The following GNB1 variants were observed in gnomAD, a reference collection of about 807,000 sequenced individuals.
GNB1 encodes the protein guanine nucleotide-binding protein G(I)/G(S)/G(T) subunit beta-1.
Under a neutral mutation model 42.9 loss-of-function variants are expected in GNB1, and 2 were observed. The ratio of observed to expected loss-of-function variants is 0.05; its 90% CI spans 0.02 to 0.15. The LOEUF (loss-of-function observed/expected upper bound fraction) is 0.15, where lower values mean the gene tolerates loss of function less well. GNB1 is among the 10% of genes least tolerant of loss of function. The pLI is 1.00. For missense variants in GNB1, 193 were observed against 462.2 expected (o/e 0.42, Z 5.34); for synonymous variants, 183 against 174.7 (o/e 1.05, Z -0.38).
At chr1:1,788,756 G>A (rs759059629) in intron 10 of GNB1, 1 of 341,598 alleles carries the variant, frequency 2.9e-6, no homozygotes, top group Non-Finnish European at 5.6e-6. Context: ...CTGAAGCAGA[G>A]TTCAGAGGGG....
chr1:1,881,409 G>C (rs544708484), intron 1 of GNB1, among the ~76,000 whole-genome samples: 1 of 144,116 alleles, frequency 6.9e-6, no homozygotes, highest in Non-Finnish European at 1.5e-5. Context: ...GAGCTCTCGA[G>C]GTAAAAGTTC....
At chr1:1,883,581 G>C (rs2101908091) in intron 1 of GNB1, among the ~76,000 whole-genome samples, 1 of 152,240 alleles carries the variant, frequency 6.6e-6, no homozygotes, top group East Asian at 1.9e-4. Context: ...GCCCACATCA[G>C]GACTCATTTA....
intron 1 of GNB1, among the ~76,000 whole-genome samples, chr1:1,863,591 G>A (rs1422349283): frequency 2.6e-5 from 4 of 152,124 alleles, no homozygotes; most frequent in Non-Finnish European, 5.9e-5. Flanking sequence ...TCTACATGCT[G>A]CTACTCTGTT....
intron 1 of GNB1, among the ~76,000 whole-genome samples, chr1:1,852,591 A>C (rs916578202): frequency 1.3e-5 from 2 of 151,844 alleles, no homozygotes; most frequent in Admixed American, 6.6e-5. Flanking sequence ...GCTACTCCAG[A>C]GGCTAAGACA....
chr1:1,877,507 A>T (rs1014059017), intron 1 of GNB1, among the ~76,000 whole-genome samples: 3 of 151,644 alleles, frequency 2.0e-5, no homozygotes, highest in African/African-American at 7.3e-5. Flanking sequence ...AATTTTATTT[A>T]TTTTTTTAAA....
intron 1 of GNB1, among the ~76,000 whole-genome samples, chr1:1,890,186 G>C (rs6603805): frequency 7.2e-5 from 11 of 152,006 alleles, no homozygotes; most frequent in Non-Finnish European, 5.9e-5. Context: ...CAGCGCGACT[G>C]CCTCAGCGGC....
chr1:1,793,328 C>T lies in GNB1; in HGVS notation c.431-17G>A, dbSNP rs1646505468. On this transcript the variant is annotated splice_polypyrimidine_tract_variant and intron_variant, in intron 7 of 11. Coordinates refer to ENST00000378609, the MANE Select transcript of GNB1 (RefSeq NM_002074.5). ...ACAGGTAACCTGGCAAAGAACAGGC[C>T]TAAGTGATGAGCTGAATCCAGCAGG... The T allele has an allele frequency of 1.9e-6, 3 of 1,597,606 alleles. No individual in the cohort carries two copies. Among genetic ancestry groups the T allele is most frequent in the Non-Finnish European group, 2.6e-6 (3 of 1,165,686 alleles).
At chr1:1,847,924 G>A (rs1647760475) in intron 1 of GNB1, among the ~76,000 whole-genome samples, 1 of 152,172 alleles carries the variant, frequency 6.6e-6, no homozygotes, top group Non-Finnish European at 1.5e-5. Flanking sequence ...CGATGAGAAA[G>A]AAGCAGTGCC....
intron 1 of GNB1, among the ~76,000 whole-genome samples, chr1:1,889,540 G>A (rs1310811277): frequency 6.6e-6 from 1 of 151,984 alleles, no homozygotes; most frequent in Non-Finnish European, 1.5e-5. Flanking sequence ...GGCTGGGCAC[G>A]GTGGCTAAGG....
In GNB1 at chr1:1,887,408, C is replaced by T. The variant is rs897662200; in HGVS notation, c.-96+3412G>A. 3.9e-4 allele frequency among the ~76,000 whole-genome samples: 60 copies of T among 152,292 alleles called. 1 individual carries two copies. The highest frequency in any genetic ancestry group is 1.2e-3 in the African/African-American group (49 of 41,576). On this transcript the variant is annotated intron_variant, in intron 1 of 11. Coordinates refer to ENST00000378609, the MANE Select transcript of GNB1 (RefSeq NM_002074.5). ...TTTTAGCTACAAAGCTACAACTTTTCCAGTGGACCAACACACACATAAAAT... is the reference window on the plus strand; with the variant it reads ...TTTTAGCTACAAAGCTACAACTTTTTCAGTGGACCAACACACACATAAAAT...
rs1020487775 is a variant in GNB1 at position 1,799,679 on chromosome 1, C to T, written c.430+4740G>A. ...ACACCTGAAAGCATGAAAACAGGAG[C>T]AGGTAGAAACTGGAGGAGTCTCCCC... On this transcript the variant is annotated intron_variant, in intron 7 of 11. Coordinates refer to ENST00000378609, the MANE Select transcript of GNB1 (RefSeq NM_002074.5). 2.2e-4 allele frequency among the ~76,000 whole-genome samples: 34 copies of T among 152,142 alleles called. 1 individual carries two copies. Among genetic ancestry groups the T allele is most frequent in the Non-Finnish European group, 5.9e-5 (4 of 68,032 alleles).
rs554124952 is a variant in GNB1 at position 1,820,790 on chromosome 1, G to A, written c.58-2915C>T. On this transcript the variant is annotated intron_variant, in intron 3 of 11. Transcript: ENST00000378609. ...TGGTGATACTACTGTTAAACCGAAG[G>A]AAAAACTACTGTAAAAACAACACAC... is the stretch of plus-strand genomic sequence containing the variant. 3.3e-5 allele frequency among the ~76,000 whole-genome samples: 5 copies of A among 152,252 alleles called. No individual in the cohort carries two copies. In the East Asian group the frequency reaches 9.6e-4, roughly 29 times the overall value.
At chr1:1,884,762 G>A (rs1377794262) in intron 1 of GNB1, among the ~76,000 whole-genome samples, 1 of 151,306 alleles carries the variant, frequency 6.6e-6, no homozygotes, top group East Asian at 2.0e-4. Flanking sequence ...CACTCACTGC[G>A]AGGTCTGCCT....
intron 1 of GNB1, among the ~76,000 whole-genome samples, chr1:1,860,718 A>C (rs915292): frequency 0.39 from 59,443 of 151,394 alleles, 14,415 homozygotes; most frequent in Admixed American, 0.54. Context: ...GTCTCAAAAA[A>C]AAAGAGGGAG....
chr1:1,863,287 A>G (rs1343570960), intron 1 of GNB1, among the ~76,000 whole-genome samples: 1 of 152,226 alleles, frequency 6.6e-6, no homozygotes, highest in Admixed American at 6.5e-5. Flanking sequence ...AACAAAGAAA[A>G]GAAAGTATGT....
intron 1 of GNB1, among the ~76,000 whole-genome samples, chr1:1,887,749 G>A (rs1570768218): frequency 3.3e-5 from 5 of 152,060 alleles, no homozygotes; most frequent in Admixed American, 3.3e-4. Context: ...CCGAGTAGCT[G>A]GGATTACAGG....
chr1:1,810,623 T>C lies in GNB1; in HGVS notation c.204-4085A>G, dbSNP rs138924353. The stretch of plus-strand genomic sequence containing the variant: ...AATGTACATCTGATACATTAATACA[T>C]ACATACATAACAAGTAATCATTGTG... On this transcript the variant is annotated intron_variant, in intron 5 of 11. Coordinates refer to ENST00000378609, the MANE Select transcript of GNB1 (RefSeq NM_002074.5). 9.0e-4 allele frequency among the ~76,000 whole-genome samples: 137 copies of C among 151,480 alleles called. 1 individual carries two copies. Among genetic ancestry groups the C allele is most frequent in the Non-Finnish European group, 7.4e-5 (5 of 67,874 alleles).
chr1:1,827,600 T>C (rs1367006786), intron 2 of GNB1, among the ~76,000 whole-genome samples: 1 of 152,192 alleles, frequency 6.6e-6, no homozygotes, highest in African/African-American at 2.4e-5. Flanking sequence ...TTTGTGGACG[T>C]TAATGTGTTA....
intron 1 of GNB1, among the ~76,000 whole-genome samples, chr1:1,843,888 T>C (rs1011988776): frequency 1.3e-5 from 2 of 151,362 alleles, no homozygotes; most frequent in African/African-American, 4.9e-5. Flanking sequence ...GGTGAAACCC[T>C]CTCCACTAAA....
Sources: gnomAD v4.1 joint callset for allele counts (sites outside exome capture counted in the v4.1 genomes callset) on GRCh38, gnomAD v4.1.1 for gene constraint, MANE v1.5 for transcripts, NCBI Gene and HGNC (gene_info 2026-07-23, HGNC 2026-07-21) for gene names.